MAP3K1: variants seen among roughly 807,000 people sequenced by gnomAD.
MAP3K1 encodes the protein mitogen-activated protein kinase kinase kinase 1, also known as MAP/ERK kinase kinase 1.
Under a neutral mutation model 144.2 loss-of-function variants are expected in MAP3K1, and 36 were observed. That is an observed-to-expected ratio of 0.25 (90% CI 0.19 to 0.33). The LOEUF (loss-of-function observed/expected upper bound fraction) is 0.33. MAP3K1 is among the 10% of genes least tolerant of loss of function. MAP3K1 has a pLI of 1.00. For synonymous variants in MAP3K1, 718 were observed against 688.7 expected (o/e 1.04, Z -0.67); for missense variants, 1,650 against 1,881.9 (o/e 0.88, Z 2.28).
chr5:56,893,803 G>A lies in MAP3K1; in HGVS notation c.*123G>A, dbSNP rs978733653. The A allele has an allele frequency of 3.8e-6, 4 of 1,044,016 alleles. No homozygotes were observed. The highest frequency in any genetic ancestry group is 3.2e-5 in the African/African-American group (2 of 63,226). The allele number at this position is 1,044,016 out of a possible 1,614,324, so 64.7% of individuals were successfully genotyped here. ...CTGAACAGCTATGAACGAGGCCAGT[G>A]GGGAACCCTTACCTAAGTATGTGAT... On this transcript the variant is annotated 3_prime_UTR_variant, in exon 20 of 20. Transcript: ENST00000399503.
intron 3 of MAP3K1, among the ~76,000 whole-genome samples, chr5:56,864,207 A>G (rs1328902948): frequency 5.3e-5 from 8 of 152,310 alleles, no homozygotes; most frequent in African/African-American, 1.9e-4. Flanking sequence ...TCTCTCAGCC[A>G]GATATTTATC....
intron 6 of MAP3K1, among the ~76,000 whole-genome samples, chr5:56,866,335 G>C (rs1441477675): frequency 6.6e-6 from 1 of 152,108 alleles, no homozygotes; most frequent in Non-Finnish European, 1.5e-5. Context: ...TTGAACCCAG[G>C]AGTTCAAGTC....
chr5:56,854,293 C>T lies in MAP3K1; in HGVS notation c.483-2307C>T, dbSNP rs1038682665. On this transcript the variant is annotated intron_variant, in intron 1 of 19. Coordinates refer to ENST00000399503, the MANE Select transcript of MAP3K1 (RefSeq NM_005921.2). ...TACTAAAAACACAAAATTAGCCAGG[C>T]GTGGTGGCACATGCCTGTAATACTA... Among the ~76,000 whole-genome samples, 9 of 151,796 alleles carry T rather than the reference C, an allele frequency of 5.9e-5. No individual in the cohort carries two copies. In the East Asian group the frequency reaches 7.8e-4, roughly 13 times the overall value.
intron 1 of MAP3K1, among the ~76,000 whole-genome samples, chr5:56,848,958 A>G (rs966727623): frequency 1.2e-4 from 18 of 152,358 alleles, no homozygotes; most frequent in Non-Finnish European, 2.5e-4. Flanking sequence ...TTCTATGCCC[A>G]TATCTCTCAA....
At position 56,879,001 on chromosome 5, in the gene MAP3K1, G is replaced by T; in HGVS notation, c.1987G>T (p.Val663Leu). 1 of 1,613,790 alleles carries T rather than the reference G, an allele frequency of 6.2e-7. No homozygotes were observed. Among genetic ancestry groups the T allele is most frequent in the Non-Finnish European group, 8.5e-7 (1 of 1,179,870 alleles). Reference protein sequence around the residue: ...AALKTLRAMLVYTPCHSLAER... With the variant: ...AALKTLRAMLLYTPCHSLAER... ...TTAGAAAACATTGAGAGCCATGCTG[G>T]TATATACTCCTTGCCACAGTTTAGC... Residue 663 changes from valine (V) to leucine (L), a missense_variant, in exon 11 of 20, where the codon GTA becomes TTA. Physicochemically the swap from Val to Leu is conservative, Grantham distance 32 (BLOSUM62 1). Around this residue, in one of 6 missense-constraint regions of MAP3K1, gnomAD observed 841 missense variants for 886.5 expected, o/e 0.95. Transcript: ENST00000399503.
chr5:56,833,798 A>C (rs942015441), intron 1 of MAP3K1, among the ~76,000 whole-genome samples: 1 of 152,116 alleles, frequency 6.6e-6, no homozygotes, highest in Non-Finnish European at 1.5e-5. Context: ...TAAAGATGAT[A>C]TCTAAGGCCA....
intron 1 of MAP3K1, 143 bp downstream of exon 1, chr5:56,816,198 C>T (rs554425366): frequency 3.5e-5 from 29 of 835,812 alleles, no homozygotes; most frequent in Non-Finnish European, 4.4e-5. Flanking sequence ...CCCCTGAGCA[C>T]CCCCCGACCC....
intron 9 of MAP3K1, among the ~76,000 whole-genome samples, chr5:56,873,258 A>C (rs1312591160): frequency 6.6e-6 from 1 of 152,210 alleles, no homozygotes; most frequent in Non-Finnish European, 1.5e-5. Context: ...ACTAACGGAC[A>C]TACGGGGTTA....
At chr5:56,853,533 G>A (rs767106133) in intron 1 of MAP3K1, among the ~76,000 whole-genome samples, 4 of 152,138 alleles carry the variant, frequency 2.6e-5, no homozygotes, top group Admixed American at 6.6e-5. Flanking sequence ...TGTATAGATG[G>A]CGATAACACG....
At chr5:56,820,335 C>G (rs1245050530) in intron 1 of MAP3K1, 3 of 686,758 alleles carry the variant, frequency 4.4e-6, no homozygotes, top group Non-Finnish European at 5.4e-6. Context: ...TTTCTTTCCA[C>G]TACTCTGCTT....
chr5:56,854,979 T>C (rs1055237721), intron 1 of MAP3K1, among the ~76,000 whole-genome samples: 1 of 152,226 alleles, frequency 6.6e-6, no homozygotes, highest in African/African-American at 2.4e-5. Context: ...ATTTTTATTA[T>C]GCAGTCACCA....
intron 3 of MAP3K1, 59 bp from the exon 4 acceptor site, chr5:56,864,675 A>C: frequency 6.3e-7 from 1 of 1,582,832 alleles, no homozygotes; most frequent in East Asian, 2.2e-5. Flanking sequence ...GCCTGACCGG[A>C]TAATAGTTTC....
rs890106219 is a variant in MAP3K1 at position 56,816,020 on chromosome 5, C to T, written c.447C>T (p.Pro149=). The change falls in exon 1 of 20, where the codon CCC becomes CCT. Residue 149 remains proline (P), a synonymous_variant. Coordinates refer to ENST00000399503, the MANE Select transcript of MAP3K1 (RefSeq NM_005921.2). ...CCGAGCCCGGGGAGAAGCGGGCGCC[C>T]GCCGCCGAGCCGTCTCCTGCAGCGG... is the stretch of plus-strand genomic sequence containing the variant. The part of the protein sequence containing the change: ...AAAEPGEKRA[P]AAEPSPAAAP... The T allele has an allele frequency of 6.5e-6, 8 of 1,223,348 alleles. No homozygotes were observed. In the African/African-American group the frequency reaches 9.4e-5, roughly 14 times the overall value. 75.8% of individuals were successfully genotyped at this position (1,223,348 alleles called of 1,614,324 possible). A position where few individuals can be genotyped will look rare whatever the true frequency, so the allele number is the denominator to read the frequency against.
At chr5:56,888,031 C>T (rs1398074323) in intron 18 of MAP3K1, 195 bp from the exon 19 acceptor site, 1 of 610,442 alleles carries the variant, frequency 1.6e-6, no homozygotes, top group East Asian at 2.8e-5. Context: ...CAGAATCTCA[C>T]AATTCTCCAA....
intron 1 of MAP3K1, among the ~76,000 whole-genome samples, chr5:56,843,130 T>A (rs1561173212): frequency 6.6e-6 from 1 of 152,224 alleles, no homozygotes; most frequent in Non-Finnish European, 1.5e-5. Flanking sequence ...AGAAGCTACC[T>A]GGATTTGATT....
intron 1 of MAP3K1, among the ~76,000 whole-genome samples, chr5:56,845,940 GTTTCT>G (rs1746980257): frequency 1.3e-5 from 2 of 152,220 alleles, no homozygotes; most frequent in African/African-American, 4.8e-5. Flanking sequence ...GATGTTCTGA[GTTTCT>G]CCCCGCAGGG....
chr5:56,858,359 G>A (rs929002693), intron 2 of MAP3K1, among the ~76,000 whole-genome samples: 1 of 152,054 alleles, frequency 6.6e-6, no homozygotes, highest in Non-Finnish European at 1.5e-5. Flanking sequence ...ACAAAATTTT[G>A]GTTTTTATAC....
At position 56,895,668 on chromosome 5, in the gene MAP3K1, T is replaced by G. The variant is rs1748682240; in HGVS notation, c.*1988T>G. 2 of 232,360 alleles carry G rather than the reference T, an allele frequency of 8.6e-6. No individual in the cohort carries two copies. Among genetic ancestry groups the G allele is most frequent in the Non-Finnish European group, 1.7e-5 (2 of 117,562 alleles). The allele number at this position is 232,360 out of a possible 1,614,324, so 14.4% of individuals were successfully genotyped here. A position where few individuals can be genotyped will look rare whatever the true frequency, so the allele number is the denominator to read the frequency against. ...CCTCAGCTTGCTGGTAATTGTGGTG[T>G]TTTGTTTTTTGTTTTGTTTTCAATG... On this transcript the variant is annotated 3_prime_UTR_variant, in exon 20 of 20. Coordinates refer to ENST00000399503, the MANE Select transcript of MAP3K1 (RefSeq NM_005921.2).
chr5:56,877,277 C>A (rs919061275), intron 10 of MAP3K1, among the ~76,000 whole-genome samples: 1 of 152,154 alleles, frequency 6.6e-6, no homozygotes, highest in African/African-American at 2.4e-5. Context: ...TTCTGCAAAG[C>A]CTTTGCTGTG....
Sources: allele counts gnomAD v4.1 joint callset (sites outside exome capture counted in the v4.1 genomes callset), GRCh38; gene constraint gnomAD v4.1.1; regional missense constraint gnomAD v4.1.1; transcripts MANE v1.5; gene names NCBI Gene and HGNC (gene_info 2026-07-23, HGNC 2026-07-21).